RBM23: variants seen among roughly 807,000 people sequenced by gnomAD.
RBM23 encodes probable RNA-binding protein 23.
RBM23 carries 53 observed loss-of-function variants against 56.2 expected under a neutral mutation model. That is an observed-to-expected ratio of 0.94 (90% CI 0.76 to 1.19). The LOEUF is 1.19. Ranked by LOEUF, RBM23 falls within the 50% of genes most tolerant of loss-of-function variation. The pLI, the probability that RBM23 is intolerant of heterozygous loss-of-function variation, is 0.00. For missense variants in RBM23, 642 were observed against 590.3 expected (o/e 1.09, Z -0.91); for synonymous variants, 197 against 198.5 (o/e 0.99, Z 0.06).
At position 22,905,460 on chromosome 14, in the gene RBM23, A is replaced by T; in HGVS notation, c.456-7T>A. On this transcript the variant is annotated splice_region_variant and splice_polypyrimidine_tract_variant and intron_variant, in intron 6 of 13. Transcript: ENST00000359890. ...CAGATTATCAACTGGCTCCCTGAAGAGTGAAATGTGTTGAGACCAGCCCTC... is the reference window on the plus strand; with the variant it reads ...CAGATTATCAACTGGCTCCCTGAAGTGTGAAATGTGTTGAGACCAGCCCTC... 6.2e-7 allele frequency: 1 copy of T among 1,614,034 alleles called. No homozygotes were observed. The highest frequency in any genetic ancestry group is 2.2e-5 in the East Asian group (1 of 44,876).
intron 4 of RBM23, 23 bp from the exon 5 acceptor site, chr14:22,906,391 T>A (rs760037387): frequency 6.2e-7 from 1 of 1,610,948 alleles, no homozygotes; most frequent in East Asian, 2.2e-5. Context: ...ACAACTACAG[T>A]CATGCCCACA....
chr14:22,908,937 C>CT (rs1337560099), intron 3 of RBM23, among the ~76,000 whole-genome samples: 1 of 150,374 alleles, frequency 6.7e-6, no homozygotes, highest in African/African-American at 2.4e-5. Flanking sequence ...AATCAGGGGT[C>CT]CTCTTGCTAT....
In RBM23 at chr14:22,906,368, A is replaced by T; in HGVS notation, c.228T>A (p.Ser76Arg). The T allele has an allele frequency of 5.0e-6, 8 of 1,614,026 alleles. No homozygotes were observed. The highest frequency in any genetic ancestry group is 6.8e-6 in the Non-Finnish European group (8 of 1,179,940). The change falls in exon 5 of 14, where the codon AGT (serine) becomes AGA (arginine). Residue 76 changes from serine (S) to arginine (R), a missense_variant and splice_region_variant. Physicochemically the swap from Ser to Arg is moderately radical, Grantham distance 110. Transcript: ENST00000359890. Reference sequence around the variant, plus strand: ...TATACCGATCCCGATCTCGACTACGACTACAGAGGGAAACAACTACAGTCA... The same window carrying T: ...TATACCGATCCCGATCTCGACTACGTCTACAGAGGGAAACAACTACAGTCA... ...SHNKSRDRKR[S>R]RSRDRDRYRR...
In RBM23 at chr14:22,905,589, G is replaced by T. The variant is rs754511437; in HGVS notation, c.455+17C>A. 1 of 1,608,770 alleles carries T rather than the reference G, an allele frequency of 6.2e-7. No individual in the cohort carries two copies. The highest frequency in any genetic ancestry group is 1.7e-5 in the Admixed American group (1 of 60,018). On this transcript the variant is annotated intron_variant, in intron 6 of 13. Coordinates refer to ENST00000359890, the MANE Select transcript of RBM23 (RefSeq NM_001077351.2). ...CATACCTCACAATCCCTAAAACAGT[G>T]TTCATTATCAACCCACCTGACTGGG...
chr14:22,903,980 C>T, intron 10 of RBM23: 1 of 1,363,354 alleles, frequency 7.3e-7, no homozygotes, highest in Non-Finnish European at 9.5e-7. Context: ...TTAGCTGCAG[C>T]CTGGTTACTA....
At position 22,903,722 on chromosome 14, in the gene RBM23, T is replaced by C. The variant is rs1010771710; in HGVS notation, c.930+539A>G. On this transcript the variant is annotated intron_variant, in intron 10 of 13. Coordinates refer to ENST00000359890, the MANE Select transcript of RBM23 (RefSeq NM_001077351.2). Reference sequence around the variant, plus strand: ...CACATGGGGCTGGAAGAACCAGTTATAGGAATTGGCAACCATTTTGTTGGA... The same window carrying C: ...CACATGGGGCTGGAAGAACCAGTTACAGGAATTGGCAACCATTTTGTTGGA... 10 of 1,014,036 alleles carry C rather than the reference T, an allele frequency of 9.9e-6. No individual in the cohort carries two copies. In the African/African-American group the frequency reaches 1.7e-4, roughly 18 times the overall value. The allele number at this position is 1,014,036 out of a possible 1,614,324, so 62.8% of individuals were successfully genotyped here.
chr14:22,911,366 T>C lies in RBM23; in HGVS notation c.28A>G (p.Ile10Val), dbSNP rs2042492594. Residue 10 changes from isoleucine to valine, a missense_variant, in exon 2 of 14, where the codon ATT becomes GTT. By Grantham distance (29) the Ile-to-Val change is conservative. Coordinates refer to ENST00000359890, the MANE Select transcript of RBM23 (RefSeq NM_001077351.2). ...TAGGGAGCTTCCAGCATGGCCTCAA[T>C]CACTATGTCAAAGTCATCAGATGCC... MASDDFDIV[I>V]EAMLEAPYKK... 6.2e-7 allele frequency: 1 copy of C among 1,613,782 alleles called. No individual in the cohort carries two copies. The highest frequency in any genetic ancestry group is 8.5e-7 in the Non-Finnish European group (1 of 1,179,788).
intron 2 of RBM23, 110 bp downstream of exon 2, chr14:22,911,218 A>G: frequency 1.1e-6 from 1 of 878,330 alleles, no homozygotes; most frequent in Non-Finnish European, 1.8e-6. Context: ...TATTCTACAT[A>G]ATAAATAAGC....
In RBM23 at chr14:22,897,675, C is replaced by T. The variant is rs1041750160; in HGVS notation, c.*4055G>A. ...GGAAAAATTCTGAGTCTACGGAGAG[C>T]TATGGGTACAGGGATAGGAAAAGTG... On this transcript the variant is annotated 3_prime_UTR_variant, in exon 14 of 14. Transcript: ENST00000359890. The T allele has an allele frequency of 6.6e-6, 1 of 152,208 alleles. No individual in the cohort carries two copies. Among genetic ancestry groups the T allele is most frequent in the Non-Finnish European group, 1.5e-5 (1 of 68,066 alleles). The allele number at this position is 152,208 out of a possible 1,614,324, so 9.4% of individuals were successfully genotyped here. A position where few individuals can be genotyped will look rare whatever the true frequency, so the allele number is the denominator to read the frequency against.
chr14:22,907,610 G>A (rs760089967), intron 4 of RBM23, among the ~76,000 whole-genome samples: 21 of 152,078 alleles, frequency 1.4e-4, no homozygotes, highest in Admixed American at 5.9e-4. Flanking sequence ...AAACAATTAC[G>A]TACAGTATAT....
intron 1 of RBM23, among the ~76,000 whole-genome samples, chr14:22,915,256 T>A (rs1012667610): frequency 2.0e-5 from 3 of 152,130 alleles, no homozygotes; most frequent in African/African-American, 7.2e-5. Context: ...CAAATTGGTA[T>A]ACATAAAAAC....
At chr14:22,905,285 A>T (rs1187637668) in intron 7 of RBM23, 39 bp from the exon 8 acceptor site, 2 of 1,613,848 alleles carry the variant, frequency 1.2e-6, no homozygotes, top group African/African-American at 2.7e-5. Context: ...TTAGGCATAA[A>T]GGGAGATACA....
Position 22,901,622 on chromosome 14 carries a change from G to A in RBM23, c.*108C>T, listed in dbSNP as rs963344735. ...CAATTTCCTCAGAGACAATGTCCATGCCCTCAGGATGGCTTGGTCCACAAA... is the reference window on the plus strand; with the variant it reads ...CAATTTCCTCAGAGACAATGTCCATACCCTCAGGATGGCTTGGTCCACAAA... On this transcript the variant is annotated 3_prime_UTR_variant, in exon 14 of 14. Coordinates refer to ENST00000359890, the MANE Select transcript of RBM23 (RefSeq NM_001077351.2). The A allele has an allele frequency of 1.0e-5, 15 of 1,472,952 alleles. No homozygotes were observed. In the African/African-American group the frequency reaches 2.0e-4, roughly 19 times the overall value. 91.2% of individuals were successfully genotyped at this position (1,472,952 alleles called of 1,614,324 possible). A position where few individuals can be genotyped will look rare whatever the true frequency, so the allele number is the denominator to read the frequency against.
rs553135825 is a variant in RBM23 at position 22,899,756 on chromosome 14, C to A, written c.*1974G>T. 2.0e-5 allele frequency: 3 copies of A among 152,336 alleles called. No individual in the cohort carries two copies. The South Asian group carries it at 6.2e-4, about 32-fold the overall frequency. 9.4% of individuals were successfully genotyped at this position (152,336 alleles called of 1,614,324 possible). A position where few individuals can be genotyped will look rare whatever the true frequency, so the allele number is the denominator to read the frequency against. ...GACTTAGGAGCTAGAGTCCCACTGG[C>A]CTTTTATGACTCAAGCAGGCTTCAA... On this transcript the variant is annotated 3_prime_UTR_variant, in exon 14 of 14. Coordinates refer to ENST00000359890, the MANE Select transcript of RBM23 (RefSeq NM_001077351.2).
At chr14:22,907,556 G>A (rs1566561929) in intron 4 of RBM23, among the ~76,000 whole-genome samples, 1 of 152,018 alleles carries the variant, frequency 6.6e-6, no homozygotes. Context: ...ACACATACCA[G>A]AAACTACATA....
At position 22,909,506 on chromosome 14, in the gene RBM23, G is replaced by C; in HGVS notation, c.156C>G (p.Ser52Arg). The C allele has an allele frequency of 6.2e-7, 1 of 1,613,172 alleles. No homozygotes were observed. The highest frequency in any genetic ancestry group is 8.5e-7 in the Non-Finnish European group (1 of 1,179,906). ...TSNSGNETSG[S>R]STIGETSKKK... ...ACTTGCTTGTCTCCCCGATGGTGCT[G>C]CTTCCACTGGTCTCATTGCCACTGT... is the stretch of plus-strand genomic sequence containing the variant. The change falls in exon 3 of 14, where the codon AGC (serine) becomes AGG (arginine). Residue 52 changes from serine (S) to arginine (R), a missense_variant. Coordinates refer to ENST00000359890, the MANE Select transcript of RBM23 (RefSeq NM_001077351.2).
rs1479975986 is a variant in RBM23 at position 22,899,881 on chromosome 14, T to C, written c.*1849A>G. The C allele has an allele frequency of 3.9e-5, 6 of 152,164 alleles. No homozygotes were observed. The highest frequency in any genetic ancestry group is 1.9e-4 in the East Asian group (1 of 5,204). The allele number at this position is 152,164 out of a possible 1,614,324, so 9.4% of individuals were successfully genotyped here. A position where few individuals can be genotyped will look rare whatever the true frequency, so the allele number is the denominator to read the frequency against. On this transcript the variant is annotated 3_prime_UTR_variant, in exon 14 of 14. Transcript: ENST00000359890. ...ATTAAAACCTAACAGCAATTATCCA[T>C]ATTTTTAGCATAAGAAAGTCTTAGC... is the stretch of plus-strand genomic sequence containing the variant.
Position 22,900,296 on chromosome 14 carries a change from C to T in RBM23, c.*1434G>A, listed in dbSNP as rs2138864229. On this transcript the variant is annotated 3_prime_UTR_variant, in exon 14 of 14. Transcript: ENST00000359890. Reference sequence around the variant, plus strand: ...GGCCAATAGAGTTAAGAAAGCTCAGCTTAGCTCTGGTACTTAACTCTTCAA... The same window carrying T: ...GGCCAATAGAGTTAAGAAAGCTCAGTTTAGCTCTGGTACTTAACTCTTCAA... 1 of 152,126 alleles carries T rather than the reference C, an allele frequency of 6.6e-6. No homozygotes were observed. The highest frequency in any genetic ancestry group is 2.4e-5 in the African/African-American group (1 of 41,426). 9.4% of individuals were successfully genotyped at this position (152,126 alleles called of 1,614,324 possible).
rs1006344752 is a variant in RBM23, at chr14:22,901,357, A to G, written c.*373T>C. 3.4e-6 allele frequency: 1 copy of G among 294,604 alleles called. No homozygotes were observed. Among genetic ancestry groups the G allele is most frequent in the South Asian group, 6.1e-5 (1 of 16,268 alleles). The allele number at this position is 294,604 out of a possible 1,614,324, so 18.2% of individuals were successfully genotyped here. On this transcript the variant is annotated 3_prime_UTR_variant, in exon 14 of 14. Transcript: ENST00000359890. The stretch of plus-strand genomic sequence containing the variant: ...ACAGACTAAAGGTTAAAGGTACAGG[A>G]AAAGGAGAGAGGTCAGTTCCTTCAG...
Sources: allele counts gnomAD v4.1 joint callset (sites outside exome capture counted in the v4.1 genomes callset), GRCh38; gene constraint gnomAD v4.1.1; transcripts MANE v1.5; gene names NCBI Gene and HGNC (gene_info 2026-07-23, HGNC 2026-07-21).